Variants in GLG1 observed in about 807,000 individuals in gnomAD.
GLG1 encodes golgi glycoprotein 1.
A neutral mutation model predicts 160.5 loss-of-function variants in GLG1; 38 were observed. The observed-to-expected ratio is 0.24, with a 90% CI of 0.18 to 0.31. GLG1 has a LOEUF of 0.31. Among genes scored for constraint, GLG1 ranks in the 10% least tolerant of loss-of-function variants. The pLI is 1.00. For synonymous variants in GLG1, 644 were observed against 543.4 expected (o/e 1.19, Z -2.57); for missense variants, 1,373 against 1,505.2 (o/e 0.91, Z 1.45).
In GLG1 at chr16:74,452,155, C is replaced by CA. The variant is rs760037421; in HGVS notation, c.*1011dup. ...GCCTGAAAAATAAAGCAAAGTGAGT[C>CA]AAACCTCTGGCTCCCACTTCCTGAC... On this transcript the variant is annotated 3_prime_UTR_variant, in exon 26 of 26. Coordinates refer to ENST00000422840, the MANE Select transcript of GLG1 (RefSeq NM_001145667.2). 1.2e-6 allele frequency: 2 copies of CA among 1,613,016 alleles called. No individual in the cohort carries two copies. The highest frequency in any genetic ancestry group is 4.5e-5 in the East Asian group (2 of 44,854).
chr16:74,590,795 C>CAAAAA (rs71158529), intron 1 of GLG1, among the ~76,000 whole-genome samples: 1 of 68,972 alleles, frequency 1.4e-5, no homozygotes, highest in African/African-American at 6.8e-5. Flanking sequence ...GAAACTGTCT[C>CAAAAA]AAAAAAAAAA....
chr16:74,519,655 T>G (rs1013554334), intron 2 of GLG1, among the ~76,000 whole-genome samples: 1 of 151,844 alleles, frequency 6.6e-6, no homozygotes, highest in Non-Finnish European at 1.5e-5. Context: ...CTATGTTGAG[T>G]CAAACGGTTC....
chr16:74,578,476 TA>T (rs1394805478), intron 1 of GLG1, among the ~76,000 whole-genome samples: 2 of 152,168 alleles, frequency 1.3e-5, no homozygotes, highest in Non-Finnish European at 2.9e-5. Flanking sequence ...CTAATTTTTT[TA>T]AAAAAATCAA....
intron 1 of GLG1, among the ~76,000 whole-genome samples, chr16:74,546,718 A>T (rs1333138351): frequency 6.6e-6 from 1 of 151,556 alleles, no homozygotes; most frequent in East Asian, 1.9e-4. Flanking sequence ...GGCACCTGTA[A>T]TCCCCGCTAC....
intron 3 of GLG1, among the ~76,000 whole-genome samples, chr16:74,508,120 A>G (rs1698144105): frequency 6.6e-6 from 1 of 152,122 alleles, no homozygotes; most frequent in African/African-American, 2.4e-5. Context: ...TGGATGAGAC[A>G]GGGTCTTCCT....
chr16:74,479,230 C>G (rs115698700), intron 11 of GLG1, among the ~76,000 whole-genome samples: 1,443 of 67,412 alleles, frequency 0.021, 28 homozygotes, highest in African/African-American at 0.08. Flanking sequence ...AAGAGTGAGG[C>G]TTTGTCTCAA....
intron 1 of GLG1, among the ~76,000 whole-genome samples, chr16:74,544,894 A>G (rs112666502): frequency 2.0e-5 from 3 of 152,038 alleles, no homozygotes; most frequent in African/African-American, 7.2e-5. Context: ...ATCTATAATT[A>G]TAATAATAAT....
intron 2 of GLG1, among the ~76,000 whole-genome samples, chr16:74,519,611 C>T (rs1413916415): frequency 6.6e-6 from 1 of 151,310 alleles, no homozygotes; most frequent in African/African-American, 2.4e-5. Context: ...AATCTACTTC[C>T]TCTTTTATTC....
chr16:74,593,798 T>C (rs1397699184), intron 1 of GLG1, among the ~76,000 whole-genome samples: 4 of 152,194 alleles, frequency 2.6e-5, no homozygotes, highest in Non-Finnish European at 5.9e-5. Flanking sequence ...TGTATTTCAA[T>C]TGATGTAGAA....
intron 2 of GLG1, among the ~76,000 whole-genome samples, chr16:74,526,337 T>A (rs2017331293): frequency 6.8e-6 from 1 of 146,820 alleles, no homozygotes; most frequent in Non-Finnish European, 1.5e-5. Flanking sequence ...ACATATTTTA[T>A]GGTAATTCTT....
At chr16:74,534,977 T>A (rs1011365136) in intron 1 of GLG1, among the ~76,000 whole-genome samples, 1 of 152,346 alleles carries the variant, frequency 6.6e-6, no homozygotes, top group Non-Finnish European at 1.5e-5. Context: ...AGGATTTAAA[T>A]GTGCCTGGGT....
chr16:74,566,395 G>A (rs187262914), intron 1 of GLG1, among the ~76,000 whole-genome samples: 18 of 152,196 alleles, frequency 1.2e-4, no homozygotes, highest in Middle Eastern at 3.4e-3. Context: ...TTTCTACCAC[G>A]GCTTCATCGT....
intron 19 of GLG1, among the ~76,000 whole-genome samples, chr16:74,465,192 C>T (rs539596873): frequency 1.8e-4 from 27 of 152,174 alleles, no homozygotes; most frequent in Non-Finnish European, 3.5e-4. Flanking sequence ...CATCTAGGTA[C>T]TCAGGTCAGC....
intron 22 of GLG1, 93 bp from the exon 23 acceptor site, chr16:74,459,882 G>A (rs1567455561): frequency 1.6e-6 from 1 of 643,140 alleles, no homozygotes; most frequent in South Asian, 2.2e-5. Flanking sequence ...TTGAAACAGA[G>A]CCAAGCTCTG....
At chr16:74,569,188 A>C (rs374105414) in intron 1 of GLG1, among the ~76,000 whole-genome samples, 2 of 152,356 alleles carry the variant, frequency 1.3e-5, no homozygotes, top group Middle Eastern at 3.4e-3. Context: ...ATCTGAGCAC[A>C]GATTTGTACT....
chr16:74,464,826 G>C (rs1181212776), intron 19 of GLG1, among the ~76,000 whole-genome samples: 1 of 149,032 alleles, frequency 6.7e-6, no homozygotes, highest in East Asian at 2.0e-4. Flanking sequence ...AGAACCTTTA[G>C]TTTAAGTTTA....
At chr16:74,467,902 A>C in intron 17 of GLG1, 54 bp from the exon 18 acceptor site, 2 of 1,196,188 alleles carry the variant, frequency 1.7e-6, no homozygotes, top group Non-Finnish European at 2.5e-6. Flanking sequence ...TGGAGATGTC[A>C]TATGTTCTGG....
rs752289006 is a variant in GLG1, at chr16:74,606,836, G to T, written c.259C>A (p.Pro87Thr). Residue 87 changes from proline to threonine, a missense_variant, in exon 1 of 26, where the codon CCG becomes ACG. Physicochemically the swap from Pro to Thr is conservative, Grantham distance 38 (BLOSUM62 -1). Coordinates refer to ENST00000422840, the MANE Select transcript of GLG1 (RefSeq NM_001145667.2). The part of the protein sequence containing the change: ...QQQQQQQQPQ[P>T]PQPPFPAGGP... ...CCCGCCGGGAAAGGCGGCTGCGGCG[G>T]CTGAGGCTGCTGTTGCTGTTGCTGC... 1.9e-6 allele frequency: 3 copies of T among 1,598,708 alleles called. No homozygotes were observed. In the South Asian group the frequency reaches 3.3e-5, roughly 18 times the overall value.
chr16:74,546,666 C>T (rs576332704), intron 1 of GLG1, among the ~76,000 whole-genome samples: 2 of 149,078 alleles, frequency 1.3e-5, no homozygotes, highest in Admixed American at 6.7e-5. Context: ...AGTGAAACCC[C>T]GTCTCTACTA....
Sources: gnomAD v4.1 joint callset for allele counts (sites outside exome capture counted in the v4.1 genomes callset) on GRCh38, gnomAD v4.1.1 for gene constraint, MANE v1.5 for transcripts, NCBI Gene and HGNC (gene_info 2026-07-23, HGNC 2026-07-21) for gene names.